Variants in SDK1 observed in about 807,000 individuals in gnomAD.
SDK1 encodes protein sidekick-1.
SDK1 carries 157 observed loss-of-function variants against 245.5 expected under a neutral mutation model. The observed-to-expected ratio is 0.64, with a 90% confidence interval of 0.56 to 0.73. The LOEUF (loss-of-function observed/expected upper bound fraction) is 0.73. Among genes scored for constraint, SDK1 ranks in the 30% least tolerant of loss-of-function variants. The probability of loss-of-function intolerance (pLI) is 0.00; values close to 1 mark genes in which losing one functional copy is unlikely to be tolerated. For synonymous variants in SDK1, 1,647 were observed against 1,278.5 expected, an observed-to-expected ratio of 1.29 and a Z score of -6.15; for missense variants, 3,583 against 3,002.3, an observed-to-expected ratio of 1.19 and a Z score of -4.52.
intron 4 of SDK1, among the ~76,000 whole-genome samples, chr7:3,750,680 C>G (rs536804247): frequency 1.2e-4 from 18 of 152,304 alleles, no homozygotes; most frequent in African/African-American, 4.3e-4. Context: ...GTTCTTTGCT[C>G]AAATTGGATT....
At chr7:3,622,270 G>A (rs1339511371) in intron 2 of SDK1, among the ~76,000 whole-genome samples, 1 of 152,104 alleles carries the variant, frequency 6.6e-6, no homozygotes, top group Non-Finnish European at 1.5e-5. Flanking sequence ...TTGAGGTCAG[G>A]AGTTCGACAC....
At chr7:3,306,542 C>T (rs112782067) in intron 1 of SDK1, among the ~76,000 whole-genome samples, 4 of 152,296 alleles carry the variant, frequency 2.6e-5, no homozygotes, top group Non-Finnish European at 4.4e-5. Flanking sequence ...TTTGCCTTAG[C>T]ACACATTTTA....
intron 25 of SDK1, among the ~76,000 whole-genome samples, chr7:4,116,758 G>A (rs1423635856): frequency 1.3e-5 from 2 of 152,256 alleles, no homozygotes; most frequent in East Asian, 1.9e-4. Flanking sequence ...CCATGGCCTT[G>A]TGGGAATGCT....
intron 29 of SDK1, among the ~76,000 whole-genome samples, chr7:4,148,613 G>A (rs1325262913): frequency 1.3e-5 from 2 of 152,162 alleles, no homozygotes; most frequent in African/African-American, 4.8e-5. Context: ...GAGACCAAAG[G>A]GACCACAGGG....
chr7:3,518,219 A>T lies in SDK1; in HGVS notation c.299-100861A>T, dbSNP rs562900395. ...TTTGTACTATTCTTTCTGCAGATAA[A>T]ATTAGTAATATGTATTAAAAATTTT... On this transcript the variant is annotated intron_variant, in intron 1 of 44. Coordinates refer to ENST00000404826, the MANE Select transcript of SDK1 (RefSeq NM_152744.4). 6.1e-4 allele frequency among the ~76,000 whole-genome samples: 93 copies of T among 152,256 alleles called. 3 individuals carry two copies. The South Asian group carries it at 0.019, about 31-fold the overall frequency.
In SDK1 at chr7:3,794,959, G is replaced by T. The variant is rs576597746; in HGVS notation, c.714-26491G>T. ...TAAAAAAAAAAAGATCACTATTCAT[G>T]TTGTTGTTACTATTACAGTATTAAG... On this transcript the variant is annotated intron_variant, in intron 4 of 44. Transcript: ENST00000404826. Among the ~76,000 whole-genome samples the T allele has an allele frequency of 3.5e-4, 53 of 152,016 alleles. 2 individuals are homozygous for T. In the South Asian group the frequency reaches 0.011, roughly 30 times the overall value.
intron 16 of SDK1, among the ~76,000 whole-genome samples, chr7:4,012,599 G>GTTTTTTTTTT (rs1786078112): frequency 1.8e-4 from 10 of 54,582 alleles, no homozygotes; most frequent in South Asian, 6.8e-4. Context: ...TTTTGATGGA[G>GTTTTTTTTTT]TTTCTCTCTT....
chr7:3,373,679 G>C (rs952231240), intron 1 of SDK1, among the ~76,000 whole-genome samples: 1 of 151,442 alleles, frequency 6.6e-6, no homozygotes, highest in South Asian at 2.1e-4. Flanking sequence ...GCACTAAAAA[G>C]TAAATACTAA....
chr7:3,591,267 A>G (rs1255548840), intron 1 of SDK1, among the ~76,000 whole-genome samples: 5 of 152,160 alleles, frequency 3.3e-5, no homozygotes, highest in Non-Finnish European at 7.3e-5. Flanking sequence ...GTGTCATAAT[A>G]CTGAGTGCCA....
intron 17 of SDK1, among the ~76,000 whole-genome samples, chr7:4,042,692 C>G (rs562169562): frequency 6.6e-6 from 1 of 152,278 alleles, no homozygotes; most frequent in African/African-American, 2.4e-5. Context: ...CACTTGAAAC[C>G]CCTTTTGCCT....
intron 5 of SDK1, among the ~76,000 whole-genome samples, chr7:3,917,674 G>A (rs1202619019): frequency 6.6e-6 from 1 of 152,156 alleles, no homozygotes; most frequent in Non-Finnish European, 1.5e-5. Context: ...GGGACCAGCT[G>A]TCAAATTAAA....
intron 1 of SDK1, among the ~76,000 whole-genome samples, chr7:3,508,326 C>CTTTTTT (rs746963363): frequency 2.9e-5 from 4 of 136,218 alleles, no homozygotes; most frequent in Non-Finnish European, 3.1e-5. Context: ...TCTTCTTCTT[C>CTTTTTT]TTTTTTTTTT....
intron 4 of SDK1, among the ~76,000 whole-genome samples, chr7:3,662,430 G>C (rs1305052685): frequency 6.6e-6 from 1 of 152,176 alleles, no homozygotes; most frequent in Non-Finnish European, 1.5e-5. Flanking sequence ...CATTAGTCCT[G>C]AAAGTGGGAA....
intron 7 of SDK1, chr7:3,958,242 A>G: frequency 3.6e-6 from 1 of 279,434 alleles, no homozygotes; most frequent in South Asian, 3.0e-5. Flanking sequence ...AAACTTGGCC[A>G]TGCCTCTGTT....
intron 1 of SDK1, among the ~76,000 whole-genome samples, chr7:3,466,979 TACACACACACACACA>T (rs1455242133): frequency 1.2e-4 from 15 of 127,594 alleles, no homozygotes; most frequent in East Asian, 4.6e-4. Flanking sequence ...TCTCTCTCTC[TACACACACACACACA>T]CACACACACA....
chr7:4,127,327 G>A (rs77297762), intron 25 of SDK1, 54 bp from the exon 26 acceptor site: 307,328 of 1,307,052 alleles, frequency 0.24, 38,121 homozygotes, highest in Middle Eastern at 0.27. Flanking sequence ...CTGGATCTTT[G>A]TATGTAGACA....
chr7:4,112,251 T>TC (rs1251089578), intron 23 of SDK1, among the ~76,000 whole-genome samples: 1 of 152,078 alleles, frequency 6.6e-6, no homozygotes, highest in Non-Finnish European at 1.5e-5. Context: ...GGCTTGCAGG[T>TC]CACAGATAGG....
At chr7:3,330,907 A>G (rs1227401792) in intron 1 of SDK1, among the ~76,000 whole-genome samples, 1 of 151,604 alleles carries the variant, frequency 6.6e-6, no homozygotes, top group Non-Finnish European at 1.5e-5. Flanking sequence ...AGGAGGCTGC[A>G]GTAAACTTTG....
chr7:4,217,962 T>C (rs1413930753), intron 38 of SDK1, among the ~76,000 whole-genome samples: 1 of 152,182 alleles, frequency 6.6e-6, no homozygotes, highest in African/African-American at 2.4e-5. Flanking sequence ...TCACTTTACA[T>C]TGGACAGGAC....
Sources: allele counts gnomAD v4.1 joint callset (sites outside exome capture counted in the v4.1 genomes callset), GRCh38; gene constraint gnomAD v4.1.1; transcripts MANE v1.5; gene names NCBI Gene and HGNC (gene_info 2026-07-23, HGNC 2026-07-21).